FAM120A: variants seen among roughly 807,000 people sequenced by gnomAD.
FAM120A encodes family with sequence similarity 120 member A.
FAM120A carries 15 observed loss-of-function variants against 109.7 expected under a neutral mutation model. The ratio of observed to expected loss-of-function variants is 0.14; its 90% CI spans 0.09 to 0.21. FAM120A has a LOEUF of 0.21. Among genes scored for constraint, FAM120A ranks in the 10% least tolerant of loss-of-function variants. The pLI, the probability that FAM120A is intolerant of heterozygous loss-of-function variation, is 1.00. For synonymous variants in FAM120A, 493 were observed against 572.8 expected (o/e 0.86, Z 1.99); for missense variants, 899 against 1,439.3 (o/e 0.62, Z 6.07).
rs569648036 is a variant in FAM120A, at chr9:93,497,702, G to A, written c.933+103G>A. On this transcript the variant is annotated intron_variant, in intron 4 of 17. Transcript: ENST00000277165. ...AGAAGGGGACTTGAGGGTGCAAGCTGACTGGATGGGTCTGAGAGCTCTTGC... is the reference window on the plus strand; with the variant it reads ...AGAAGGGGACTTGAGGGTGCAAGCTAACTGGATGGGTCTGAGAGCTCTTGC... 145 of 1,366,254 alleles carry A rather than the reference G, an allele frequency of 1.1e-4. 3 individuals are homozygous for A. In the Admixed American group the frequency reaches 3.7e-3, roughly 35 times the overall value. 84.6% of individuals were successfully genotyped at this position (1,366,254 alleles called of 1,614,324 possible). A position where few individuals can be genotyped will look rare whatever the true frequency, so the allele number is the denominator to read the frequency against.
chr9:93,494,185 C>CA (rs1859468044), intron 3 of FAM120A, among the ~76,000 whole-genome samples: 1 of 152,194 alleles, frequency 6.6e-6, no homozygotes, highest in Non-Finnish European at 1.5e-5. Context: ...TTGTGCCCTG[C>CA]AGAGAGGCCT....
At chr9:93,467,375 C>T (rs574179771) in intron 1 of FAM120A, among the ~76,000 whole-genome samples, 152 of 150,870 alleles carry the variant, frequency 1.0e-3, no homozygotes, top group Middle Eastern at 6.8e-3. Context: ...CAGATAAAAG[C>T]ACAATTAATT....
chr9:93,543,364 G>C lies in FAM120A; in HGVS notation c.2052G>C (p.Lys684Asn). ...GGTTGGGTAAGGCGGTAGAGGACAA[G>C]AACCGCAGGATGAGGGCCTTCCTGG... is the stretch of plus-strand genomic sequence containing the variant. ...RLWLGKAVED[K>N]NRRMRAFLAC... The change falls in exon 11 of 18, where the codon AAG becomes AAC. Residue 684 changes from lysine to asparagine, a missense_variant. Transcript: ENST00000277165. 1.2e-6 allele frequency: 2 copies of C among 1,614,188 alleles called. No individual in the cohort carries two copies. The highest frequency in any genetic ancestry group is 1.7e-6 in the Non-Finnish European group (2 of 1,180,010).
chr9:93,508,410 A>G (rs573431489), intron 5 of FAM120A, among the ~76,000 whole-genome samples: 29 of 152,262 alleles, frequency 1.9e-4, no homozygotes, highest in African/African-American at 6.7e-4. Flanking sequence ...GTGCCCTGAC[A>G]GGTCCCCAAG....
At chr9:93,538,792 T>G (rs746192896) in intron 10 of FAM120A, among the ~76,000 whole-genome samples, 14 of 152,184 alleles carry the variant, frequency 9.2e-5, no homozygotes, top group Non-Finnish European at 2.1e-4. Context: ...AAAGTCAGCA[T>G]TATAACAGAT....
chr9:93,546,920 A>AT (rs1436742444), intron 11 of FAM120A, among the ~76,000 whole-genome samples: 1 of 152,186 alleles, frequency 6.6e-6, no homozygotes, highest in East Asian at 1.9e-4. Flanking sequence ...TGGTCTTCTC[A>AT]TTGCTCCCTA....
Position 93,529,389 on chromosome 9 carries a change from C to G in FAM120A, c.1543C>G (p.Leu515Val). 1 of 1,612,192 alleles carries G rather than the reference C, an allele frequency of 6.2e-7. No individual in the cohort carries two copies. Among genetic ancestry groups the G allele is most frequent in the East Asian group, 2.2e-5 (1 of 44,886 alleles). Residue 515 changes from leucine to valine, a missense_variant, in exon 9 of 18, where the codon CTA becomes GTA. Around this residue, in one of 11 missense-constraint regions of FAM120A, gnomAD observed 57 missense variants for 52.9 expected, o/e 1.08. Transcript: ENST00000277165. Reference protein sequence around the residue: ...GSSTASSGSQLAEGKGSQMGT... With the variant: ...GSSTASSGSQVAEGKGSQMGT... ...GTCCACTGCCTCTTCAGGAAGCCAA[C>G]TAGCCGAAGGCAAGGGAAGCCAGAT...
intron 3 of FAM120A, among the ~76,000 whole-genome samples, chr9:93,482,864 G>T (rs1243281159): frequency 2.0e-5 from 3 of 152,156 alleles, no homozygotes; most frequent in Non-Finnish European, 2.9e-5. Flanking sequence ...TGGTCCTAGT[G>T]ACCGCTGTGC....
chr9:93,544,207 C>T (rs547226646), intron 11 of FAM120A, among the ~76,000 whole-genome samples: 5 of 152,308 alleles, frequency 3.3e-5, no homozygotes, highest in South Asian at 2.1e-4. Context: ...TAGGTTGGCC[C>T]GTGTGACACA....
chr9:93,545,226 G>A (rs1564355223), intron 11 of FAM120A, among the ~76,000 whole-genome samples: 1 of 152,164 alleles, frequency 6.6e-6, no homozygotes, highest in Non-Finnish European at 1.5e-5. Context: ...AGAGTCGGAG[G>A]TTCTGTGCTG....
intron 10 of FAM120A, among the ~76,000 whole-genome samples, chr9:93,542,258 G>A (rs879482873): frequency 1.3e-4 from 20 of 152,128 alleles, no homozygotes; most frequent in African/African-American, 3.6e-4. Flanking sequence ...ACCAGGCCCC[G>A]CTTTGGTTCT....
At chr9:93,516,810 C>T (rs767788778) in intron 7 of FAM120A, among the ~76,000 whole-genome samples, 9 of 151,516 alleles carry the variant, frequency 5.9e-5, no homozygotes, top group Non-Finnish European at 2.9e-5. Flanking sequence ...ACTGTGTGTC[C>T]CTGAATAAAT....
chr9:93,532,784 A>T lies in FAM120A; in HGVS notation c.1909+455A>T, dbSNP rs185595455. Among the ~76,000 whole-genome samples, 15 of 152,160 alleles carry T rather than the reference A, an allele frequency of 9.9e-5. 2 individuals are homozygous for T. The highest frequency in any genetic ancestry group is 3.4e-4 in the African/African-American group (14 of 41,428). On this transcript the variant is annotated intron_variant, in intron 10 of 17. Coordinates refer to ENST00000277165, the MANE Select transcript of FAM120A (RefSeq NM_014612.5). The surrounding 1 kb of genome is among the most constrained non-coding windows in gnomAD (Gnocchi z 4.3). Reference sequence around the variant, plus strand: ...TTGTGCTGTTGGAGTGCCACCACGCATGGCTCTGCAGCTGTAGCGAAGGTC... The same window carrying T: ...TTGTGCTGTTGGAGTGCCACCACGCTTGGCTCTGCAGCTGTAGCGAAGGTC...
intron 3 of FAM120A, among the ~76,000 whole-genome samples, chr9:93,481,534 AG>A (rs1005135369): frequency 3.3e-4 from 50 of 152,216 alleles, no homozygotes; most frequent in African/African-American, 1.2e-3. Context: ...TATTCATTTT[AG>A]TGGTTTTTGT....
At chr9:93,536,819 T>G (rs1861536240) in intron 10 of FAM120A, among the ~76,000 whole-genome samples, 1 of 152,260 alleles carries the variant, frequency 6.6e-6, no homozygotes, top group Non-Finnish European at 1.5e-5. Context: ...TATTCTGTGC[T>G]GGCAGTTTAT....
In FAM120A at chr9:93,551,540, G is replaced by A. The variant is rs73651249; in HGVS notation, c.2274+849G>A. Among the ~76,000 whole-genome samples, 509 of 152,116 alleles carry A rather than the reference G, an allele frequency of 3.3e-3. 2 individuals are homozygous for A. The highest frequency in any genetic ancestry group is 0.011 in the African/African-American group (476 of 41,508). ...TATTTTGTTTTGTTTTACAGAGTTT[G>A]ATTTGTAATCAGTTAATCTCTTTCC... On this transcript the variant is annotated intron_variant, in intron 12 of 17. Coordinates refer to ENST00000277165, the MANE Select transcript of FAM120A (RefSeq NM_014612.5).
intron 3 of FAM120A, among the ~76,000 whole-genome samples, chr9:93,487,592 A>G (rs1443338571): frequency 1.3e-5 from 2 of 152,228 alleles, no homozygotes; most frequent in African/African-American, 4.8e-5. Context: ...GTCAAACCCA[A>G]AGGAAATCTG....
intron 12 of FAM120A, among the ~76,000 whole-genome samples, chr9:93,552,244 T>A (rs553809050): frequency 6.6e-6 from 1 of 152,366 alleles, no homozygotes; most frequent in African/African-American, 2.4e-5. Flanking sequence ...CATTTTTGGA[T>A]CAACACATAG....
intron 11 of FAM120A, among the ~76,000 whole-genome samples, chr9:93,548,830 A>G (rs144503475): frequency 0.013 from 1,968 of 152,050 alleles, 44 homozygotes; most frequent in African/African-American, 0.045. Flanking sequence ...ATCACCTTAG[A>G]TCAGGAGTTT....
Sources: allele counts gnomAD v4.1 joint callset (sites outside exome capture counted in the v4.1 genomes callset), GRCh38; gene constraint gnomAD v4.1.1; regional missense constraint gnomAD v4.1.1; non-coding constraint Gnocchi (gnomAD v3.1); transcripts MANE v1.5; gene names NCBI Gene and HGNC (gene_info 2026-07-23, HGNC 2026-07-21).